The following PSD3 variants were observed in gnomAD, a reference collection of about 807,000 sequenced individuals.
PSD3 encodes PH and SEC7 domain-containing protein 3.
PSD3 carries 49 observed loss-of-function variants against 105.5 expected under a neutral mutation model. That is an observed-to-expected ratio of 0.46 (90% CI 0.37 to 0.59). The LOEUF (loss-of-function observed/expected upper bound fraction) is 0.59. PSD3 is among the 20% of genes least tolerant of loss of function. The pLI, the probability that PSD3 is intolerant of heterozygous loss-of-function variation, is 0.00. For missense variants in PSD3, 1,561 were observed against 1,263.8 expected (o/e 1.24, Z -3.57); for synonymous variants, 557 against 457.8 (o/e 1.22, Z -2.77).
At chr8:18,839,596 A>T (rs1276055509) in intron 4 of PSD3, among the ~76,000 whole-genome samples, 1 of 152,190 alleles carries the variant, frequency 6.6e-6, no homozygotes, top group Non-Finnish European at 1.5e-5. Context: ...CTGCAAATGT[A>T]AGCAGGAACC....
At chr8:18,568,378 G>C (rs1032689368) in intron 14 of PSD3, among the ~76,000 whole-genome samples, 7 of 152,038 alleles carry the variant, frequency 4.6e-5, no homozygotes, top group Non-Finnish European at 1.0e-4. Context: ...GTCTGCTTCT[G>C]AGCTCTGGCC....
intron 2 of PSD3, among the ~76,000 whole-genome samples, chr8:18,912,608 G>C (rs1446656763): frequency 6.6e-6 from 1 of 152,120 alleles, no homozygotes; most frequent in African/African-American, 2.4e-5. Flanking sequence ...TCATCTCTGT[G>C]GCTAGGATTC....
At chr8:18,697,157 C>T (rs1261554851) in intron 9 of PSD3, among the ~76,000 whole-genome samples, 1 of 152,148 alleles carries the variant, frequency 6.6e-6, no homozygotes, top group East Asian at 1.9e-4. Flanking sequence ...TTTTTCTGCA[C>T]GAGTCTTTGA....
chr8:18,642,718 C>T (rs1244522436), intron 10 of PSD3, among the ~76,000 whole-genome samples: 2 of 152,156 alleles, frequency 1.3e-5, no homozygotes, highest in Non-Finnish European at 2.9e-5. Flanking sequence ...AAGTACATAA[C>T]TTTCATCATA....
intron 1 of PSD3, among the ~76,000 whole-genome samples, chr8:19,042,896 C>T (rs1828170230): frequency 6.6e-6 from 1 of 152,182 alleles, no homozygotes; most frequent in Non-Finnish European, 1.5e-5. Flanking sequence ...TCCAGTTAAA[C>T]ACAACTTCCA....
intron 11 of PSD3, among the ~76,000 whole-genome samples, chr8:18,612,564 G>T (rs1327193987): frequency 6.6e-6 from 1 of 151,992 alleles, no homozygotes; most frequent in Non-Finnish European, 1.5e-5. Flanking sequence ...GTAGAGATGG[G>T]TTTCACTATG....
intron 14 of PSD3, among the ~76,000 whole-genome samples, chr8:18,565,643 A>G (rs1286885395): frequency 6.6e-6 from 1 of 152,188 alleles, no homozygotes; most frequent in African/African-American, 2.4e-5. Flanking sequence ...GTTTCCAGCA[A>G]GGCACTCACA....
intron 9 of PSD3, among the ~76,000 whole-genome samples, chr8:18,718,127 T>C (rs1201188005): frequency 6.6e-6 from 1 of 152,202 alleles, no homozygotes; most frequent in African/African-American, 2.4e-5. Context: ...TGACTGTATC[T>C]TACCTCCTGG....
At chr8:18,979,234 T>G (rs1461796777) in intron 1 of PSD3, among the ~76,000 whole-genome samples, 1 of 152,140 alleles carries the variant, frequency 6.6e-6, no homozygotes, top group Non-Finnish European at 1.5e-5. Flanking sequence ...AAAATGTCTG[T>G]TGCCAAGAAG....
chr8:19,028,336 T>C (rs1456306643), intron 1 of PSD3, among the ~76,000 whole-genome samples: 12 of 142,000 alleles, frequency 8.5e-5, no homozygotes, highest in Non-Finnish European at 3.0e-5. Flanking sequence ...ATTGTGAAGA[T>C]TGTGTAGATT....
intron 10 of PSD3, among the ~76,000 whole-genome samples, chr8:18,637,169 G>A (rs1037801477): frequency 2.6e-5 from 4 of 152,194 alleles, no homozygotes; most frequent in African/African-American, 9.6e-5. Flanking sequence ...ATGTACTAGA[G>A]TACAGTGTTT....
rs372998082 is a variant in PSD3, at chr8:18,858,901, A to G, written c.1634+8773T>C. Among the ~76,000 whole-genome samples, 36 of 152,238 alleles carry G rather than the reference A, an allele frequency of 2.4e-4. No homozygotes were observed. In the South Asian group the frequency reaches 7.3e-3, roughly 31 times the overall value. On this transcript the variant is annotated intron_variant, in intron 4 of 15. Coordinates refer to ENST00000327040, the MANE Select transcript of PSD3 (RefSeq NM_015310.4). The stretch of plus-strand genomic sequence containing the variant: ...ATTAACATCTTCCAAATTCCTGTTC[A>G]TGTTGATATCTTGACCTCCTCCTCC...
chr8:18,737,890 T>C (rs1804272697), intron 9 of PSD3, among the ~76,000 whole-genome samples: 1 of 152,214 alleles, frequency 6.6e-6, no homozygotes, highest in East Asian at 1.9e-4. Context: ...TTTGCAAGTA[T>C]GCCCTTGCAC....
At chr8:18,975,757 C>T (rs532732082) in intron 1 of PSD3, among the ~76,000 whole-genome samples, 22 of 151,824 alleles carry the variant, frequency 1.4e-4, no homozygotes, top group Non-Finnish European at 3.1e-4. Context: ...CATGAACAGG[C>T]AATTCACAAA....
At chr8:18,588,033 C>T in intron 12 of PSD3, among the ~76,000 whole-genome samples, 1 of 152,134 alleles carries the variant, frequency 6.6e-6, no homozygotes. Flanking sequence ...TTAACACATG[C>T]TACAACCTGG....
chr8:18,961,184 CAG>C (rs1173351008), intron 1 of PSD3, among the ~76,000 whole-genome samples: 2 of 152,246 alleles, frequency 1.3e-5, no homozygotes, highest in East Asian at 1.9e-4. Flanking sequence ...CATTCAGTAA[CAG>C]AGAAATTTTA....
intron 9 of PSD3, among the ~76,000 whole-genome samples, chr8:18,760,407 A>G (rs1018279090): frequency 1.3e-5 from 2 of 151,510 alleles, no homozygotes; most frequent in Non-Finnish European, 2.9e-5. Flanking sequence ...AATCCCCACC[A>G]TCCCCAGACC....
At chr8:18,865,568 T>A (rs1160105772) in intron 4 of PSD3, among the ~76,000 whole-genome samples, 1 of 151,748 alleles carries the variant, frequency 6.6e-6, no homozygotes, top group Admixed American at 6.6e-5. Flanking sequence ...TATGCCAACC[T>A]CAAATAACAC....
At chr8:18,842,530 G>A (rs1465661754) in intron 4 of PSD3, among the ~76,000 whole-genome samples, 3 of 152,082 alleles carry the variant, frequency 2.0e-5, no homozygotes, top group South Asian at 4.1e-4. Flanking sequence ...TCAGGAGATC[G>A]AGACCATCCT....
Sources: gnomAD v4.1 joint callset for allele counts (sites outside exome capture counted in the v4.1 genomes callset) on GRCh38, gnomAD v4.1.1 for gene constraint, MANE v1.5 for transcripts, NCBI Gene and HGNC (gene_info 2026-07-23, HGNC 2026-07-21) for gene names.